SSH2: variants seen among roughly 807,000 people sequenced by gnomAD.
SSH2 encodes the protein slingshot protein phosphatase 2, also known as protein phosphatase Slingshot homolog 2.
SSH2 carries 37 observed loss-of-function variants against 135.2 expected under a neutral mutation model. The observed-to-expected ratio is 0.27, with a 90% CI of 0.21 to 0.36. The LOEUF (loss-of-function observed/expected upper bound fraction) is 0.36. Among genes scored for constraint, SSH2 ranks in the 10% least tolerant of loss-of-function variants. SSH2 has a pLI of 1.00. For synonymous variants in SSH2, 628 were observed against 646.2 expected (o/e 0.97, Z 0.43); for missense variants, 1,408 against 1,765.3 (o/e 0.80, Z 3.63).
rs56789691 is a variant in SSH2, at chr17:29,779,810, C to CAAA, written c.188+14081_188+14083dup. On this transcript the variant is annotated intron_variant, in intron 3 of 15. Coordinates refer to ENST00000540801, the MANE Select transcript of SSH2 (RefSeq NM_001282129.2). Reference sequence around the variant, plus strand: ...TGGGCGACAGAGTGAGACTCTGTCTCAAAAAAAAAAAAAAAAAAAAAAAAA... The same window carrying CAAA: ...TGGGCGACAGAGTGAGACTCTGTCTCAAAAAAAAAAAAAAAAAAAAAAAAAAAA... Among the ~76,000 whole-genome samples, 37 of 19,612 alleles carry CAAA rather than the reference C, an allele frequency of 1.9e-3. 4 individuals are homozygous for CAAA. The highest frequency in any genetic ancestry group is 5.9e-3 in the East Asian group (2 of 340). 12.9% of individuals were successfully genotyped at this position (19,612 alleles called of 152,430 possible).
At chr17:29,699,469 T>C (rs1019489795) in intron 4 of SSH2, among the ~76,000 whole-genome samples, 1 of 152,238 alleles carries the variant, frequency 6.6e-6, no homozygotes, top group African/African-American at 2.4e-5. Flanking sequence ...GCTGAGTTTA[T>C]ACTCGCACTG....
At chr17:29,869,438 T>C (rs2065905584) in intron 1 of SSH2, among the ~76,000 whole-genome samples, 1 of 152,208 alleles carries the variant, frequency 6.6e-6, no homozygotes, top group African/African-American at 2.4e-5. Context: ...CCCCTTGTAG[T>C]GTCCCTTGCC....
chr17:29,798,764 T>C (rs1342677834), intron 2 of SSH2, among the ~76,000 whole-genome samples: 1 of 152,226 alleles, frequency 6.6e-6, no homozygotes, highest in Non-Finnish European at 1.5e-5. Context: ...TGGTGTTTAG[T>C]ACGTTAACAT....
chr17:29,687,302 C>T (rs577811053), intron 5 of SSH2, among the ~76,000 whole-genome samples: 119 of 152,296 alleles, frequency 7.8e-4, no homozygotes, highest in African/African-American at 2.8e-3. Flanking sequence ...GCTAGGGAAG[C>T]ACAAACAGCA....
At chr17:29,674,199 T>C in intron 8 of SSH2, 1 of 455,686 alleles carries the variant, frequency 2.2e-6, no homozygotes, top group Non-Finnish European at 4.4e-6. Flanking sequence ...TAAACCAATT[T>C]AATCAGAGGA....
chr17:29,644,057 A>G (rs766676981), intron 14 of SSH2, among the ~76,000 whole-genome samples: 3 of 152,200 alleles, frequency 2.0e-5, no homozygotes, highest in Admixed American at 6.5e-5. Context: ...TTACATTACC[A>G]CTGAGCCACT....
At chr17:29,787,974 TC>T (rs2041999375) in intron 3 of SSH2, 1 of 152,386 alleles carries the variant, frequency 6.6e-6, no homozygotes, top group African/African-American at 2.4e-5. Flanking sequence ...AAGCAATCCT[TC>T]CTTCTCAGCC....
chr17:29,726,566 C>T (rs1421468078), intron 3 of SSH2, among the ~76,000 whole-genome samples: 1 of 152,068 alleles, frequency 6.6e-6, no homozygotes, highest in East Asian at 1.9e-4. Context: ...CTGATCTGAG[C>T]TAATGAGAAT....
At chr17:29,878,150 G>A (rs750700128) in intron 1 of SSH2, among the ~76,000 whole-genome samples, 7 of 151,922 alleles carry the variant, frequency 4.6e-5, no homozygotes, top group Non-Finnish European at 8.8e-5. Context: ...CAAAGAGGCC[G>A]GGCATGGTGG....
chr17:29,911,358 G>T (rs1257741654), intron 1 of SSH2, among the ~76,000 whole-genome samples: 1 of 152,098 alleles, frequency 6.6e-6, no homozygotes, highest in Non-Finnish European at 1.5e-5. Context: ...GGATTTAAGA[G>T]ATTTTTTAAG....
chr17:29,811,611 C>T (rs1012526308), intron 2 of SSH2, among the ~76,000 whole-genome samples: 2 of 151,788 alleles, frequency 1.3e-5, no homozygotes, highest in African/African-American at 2.4e-5. Context: ...CTCTGTTGCC[C>T]GGGCTGCAGT....
intron 3 of SSH2, among the ~76,000 whole-genome samples, chr17:29,763,833 A>G (rs2041380274): frequency 1.3e-5 from 2 of 152,102 alleles, no homozygotes; most frequent in Admixed American, 1.3e-4. Context: ...CTGTTCAGCT[A>G]AGGAGGCTAT....
chr17:29,652,555 GA>G (rs1183126825), intron 12 of SSH2, among the ~76,000 whole-genome samples: 4 of 151,732 alleles, frequency 2.6e-5, no homozygotes, highest in Admixed American at 2.6e-4. Flanking sequence ...ATATTTCAAT[GA>G]AACTTTTAGA....
chr17:29,913,347 A>AAAAAATTAT, intron 1 of SSH2, among the ~76,000 whole-genome samples: 12 of 28,776 alleles, frequency 4.2e-4, no homozygotes, highest in Non-Finnish European at 6.5e-4. Context: ...AAAAAAAAAA[A>AAAAAATTAT]ATATATATAT....
intron 5 of SSH2, among the ~76,000 whole-genome samples, chr17:29,691,888 C>A (rs909787459): frequency 9.2e-5 from 14 of 151,464 alleles, no homozygotes; most frequent in African/African-American, 3.4e-4. Flanking sequence ...CCTGTAATCC[C>A]AGCACTTTGG....
intron 1 of SSH2, among the ~76,000 whole-genome samples, chr17:29,921,126 T>C (rs1210380258): frequency 6.6e-6 from 1 of 152,140 alleles, no homozygotes; most frequent in African/African-American, 2.4e-5. Flanking sequence ...AAAATACTAG[T>C]GATTAAGAGA....
chr17:29,905,442 C>T (rs1033582577), intron 1 of SSH2, among the ~76,000 whole-genome samples: 3 of 152,164 alleles, frequency 2.0e-5, no homozygotes, highest in Non-Finnish European at 4.4e-5. Flanking sequence ...AAGCAGGAGC[C>T]CTGCTCTCCT....
intron 11 of SSH2, among the ~76,000 whole-genome samples, chr17:29,659,315 C>A (rs1253801894): frequency 2.6e-5 from 4 of 152,156 alleles, no homozygotes; most frequent in Non-Finnish European, 5.9e-5. Flanking sequence ...ATTCTGTGGT[C>A]CCACCAGCAA....
chr17:29,926,489 G>A (rs1048021186), intron 1 of SSH2, among the ~76,000 whole-genome samples: 27 of 151,904 alleles, frequency 1.8e-4, no homozygotes, highest in Admixed American at 9.8e-4. Context: ...AAGAGGTGGA[G>A]GTTGCAGTGA....
Sources: gnomAD v4.1 joint callset for allele counts (sites outside exome capture counted in the v4.1 genomes callset) on GRCh38, gnomAD v4.1.1 for gene constraint, MANE v1.5 for transcripts, NCBI Gene and HGNC (gene_info 2026-07-23, HGNC 2026-07-21) for gene names.